Variants in SGO1 observed in about 807,000 individuals in gnomAD.
SGO1 encodes the protein shugoshin 1.
Under a neutral mutation model 50.5 loss-of-function variants are expected in SGO1, and 39 were observed. That is an observed-to-expected ratio of 0.77 (90% CI 0.60 to 1.01). SGO1 has a LOEUF of 1.01. SGO1 is among the 50% of genes least tolerant of loss of function. The pLI, the probability that SGO1 is intolerant of heterozygous loss-of-function variation, is 0.00. For missense variants in SGO1, 638 were observed against 606.0 expected (o/e 1.05, Z -0.55); for synonymous variants, 191 against 205.1 (o/e 0.93, Z 0.59).
intron 3 of SGO1, among the ~76,000 whole-genome samples, chr3:20,182,654 C>CT (rs147377157): frequency 0.047 from 7,106 of 152,212 alleles, 234 homozygotes; most frequent in East Asian, 0.15. Flanking sequence ...TTCTCCATAT[C>CT]TGTTATATTT....
intron 8 of SGO1, among the ~76,000 whole-genome samples, chr3:20,164,066 T>C (rs2125227071): frequency 6.6e-6 from 1 of 152,310 alleles, no homozygotes; most frequent in African/African-American, 2.4e-5. Flanking sequence ...GAAAGACTTG[T>C]GAACCCCTTT....
At chr3:20,185,019 C>T (rs765871025) in intron 1 of SGO1, among the ~76,000 whole-genome samples, 2 of 152,064 alleles carry the variant, frequency 1.3e-5, no homozygotes, top group Non-Finnish European at 2.9e-5. Flanking sequence ...CAAATATTTT[C>T]CTAAACCTTA....
intron 5 of SGO1, 89 bp from the exon 6 acceptor site, chr3:20,175,144 A>T: frequency 7.7e-7 from 1 of 1,295,526 alleles, no homozygotes; most frequent in East Asian, 2.7e-5. Flanking sequence ...TAAAAAAGTG[A>T]ATGACCAAAA....
chr3:20,172,792 TAAAAAA>T lies in SGO1; in HGVS notation c.1282+1451_1282+1456del, dbSNP rs60411282. ...AGTGAGACCTCATCTTCACAAAAAGTAAAAAAAAAAAAAAAAAAAAAAAATTAGCCA... is the reference window on the plus strand; with the variant it reads ...AGTGAGACCTCATCTTCACAAAAAGTAAAAAAAAAAAAAAAAAATTAGCCA... On this transcript the variant is annotated intron_variant, in intron 6 of 7. Transcript: ENST00000412997. Among the ~76,000 whole-genome samples, 44 of 98,908 alleles carry T rather than the reference TAAAAAA, an allele frequency of 4.4e-4. No individual in the cohort carries two copies. The South Asian group carries it at 0.013, about 29-fold the overall frequency. The allele number at this position is 98,908 out of a possible 152,430, so 64.9% of individuals were successfully genotyped here.
chr3:20,164,496 C>T (rs1700195723), downstream of SGO1, among the ~76,000 whole-genome samples: 1 of 152,124 alleles, frequency 6.6e-6, no homozygotes, highest in South Asian at 2.1e-4. Context: ...TGCCCTAGGA[C>T]CAAATGCTTC....
chr3:20,185,633 C>T (rs532844559), intron 1 of SGO1, among the ~76,000 whole-genome samples: 1 of 152,318 alleles, frequency 6.6e-6, no homozygotes, highest in Non-Finnish European at 1.5e-5. Flanking sequence ...AGAGAATGGC[C>T]TGGACAAGGA....
chr3:20,174,137 G>T lies in SGO1; in HGVS notation c.1282+112C>A, dbSNP rs1185727938. On this transcript the variant is annotated intron_variant, in intron 6 of 7. Transcript: ENST00000412997. ...AACTTCCACCAAAGAGAGACAGATG[G>T]TAAGTCTCCAACCTCCACCAGAGAA... is the stretch of plus-strand genomic sequence containing the variant. 7 of 848,228 alleles carry T rather than the reference G, an allele frequency of 8.3e-6. No homozygotes were observed. The East Asian group carries it at 1.7e-4, about 21-fold the overall frequency. The allele number at this position is 848,228 out of a possible 1,614,324, so 52.5% of individuals were successfully genotyped here.
chr3:20,166,718 CA>C (rs764335002), downstream of SGO1, among the ~76,000 whole-genome samples: 28 of 151,476 alleles, frequency 1.8e-4, no homozygotes, highest in Non-Finnish European at 3.4e-4. Flanking sequence ...ATAAAATGAT[CA>C]AAATGGTCAG....
At position 20,169,867 on chromosome 3, in the gene SGO1, C is replaced by A; in HGVS notation, c.*837G>T. The A allele has an allele frequency of 7.1e-6, 7 of 981,928 alleles. No individual in the cohort carries two copies. Among genetic ancestry groups the A allele is most frequent in the Non-Finnish European group, 8.5e-6 (7 of 826,798 alleles). 60.8% of individuals were successfully genotyped at this position (981,928 alleles called of 1,614,324 possible). A position where few individuals can be genotyped will look rare whatever the true frequency, so the allele number is the denominator to read the frequency against. The stretch of plus-strand genomic sequence containing the variant: ...AACAGTGGTATAAGGAATTCATAAA[C>A]AACTTAGGGTGTACCCTACTGTAAA... On this transcript the variant is annotated 3_prime_UTR_variant, in exon 8 of 8. Coordinates refer to ENST00000412997, the MANE Select transcript of SGO1 (RefSeq NM_001199251.3).
In SGO1 at chr3:20,170,086, A is replaced by G. The variant is rs1700556962; in HGVS notation, c.*618T>C. 1.0e-6 allele frequency: 1 copy of G among 985,342 alleles called. No individual in the cohort carries two copies. The highest frequency in any genetic ancestry group is 1.7e-5 in the African/African-American group (1 of 57,376). The allele number at this position is 985,342 out of a possible 1,614,324, so 61.0% of individuals were successfully genotyped here. A position where few individuals can be genotyped will look rare whatever the true frequency, so the allele number is the denominator to read the frequency against. On this transcript the variant is annotated 3_prime_UTR_variant, in exon 8 of 8. Coordinates refer to ENST00000412997, the MANE Select transcript of SGO1 (RefSeq NM_001199251.3). ...AAAAGATCTTATTTGAGTAATCATTATTCATTTCTACAATGTTTGTATAAG... is the reference window on the plus strand; with the variant it reads ...AAAAGATCTTATTTGAGTAATCATTGTTCATTTCTACAATGTTTGTATAAG...
chr3:20,170,165 G>C lies in SGO1; in HGVS notation c.*539C>G. The C allele has an allele frequency of 2.2e-6, 2 of 910,376 alleles. No homozygotes were observed. The highest frequency in any genetic ancestry group is 2.6e-6 in the Non-Finnish European group (2 of 761,558). 56.4% of individuals were successfully genotyped at this position (910,376 alleles called of 1,614,324 possible). On this transcript the variant is annotated 3_prime_UTR_variant, in exon 8 of 8. Transcript: ENST00000412997. ...AGTAATCCCAGCACTTTGGGAGGCCGAGGTGGGCAGATCACCTGAGGTTGG... is the reference window on the plus strand; with the variant it reads ...AGTAATCCCAGCACTTTGGGAGGCCCAGGTGGGCAGATCACCTGAGGTTGG...
chr3:20,166,209 C>A (rs1278902810), downstream of SGO1, among the ~76,000 whole-genome samples: 2 of 152,090 alleles, frequency 1.3e-5, no homozygotes, highest in Non-Finnish European at 2.9e-5. Context: ...AGGCAACCAA[C>A]AGAATGGGGG....
chr3:20,171,664 TAGTCATACCTTGCTATTTGG>T (rs1700759021), intron 6 of SGO1, among the ~76,000 whole-genome samples: 1 of 152,236 alleles, frequency 6.6e-6, no homozygotes, highest in South Asian at 2.1e-4. Context: ...AATTTCATTT[TAGTCATACCTTGCTATTTGG>T]AATCAAGTCC....
In SGO1 at chr3:20,169,864, A is replaced by G. The variant is rs1272433069; in HGVS notation, c.*840T>C. The G allele has an allele frequency of 4.1e-6, 4 of 981,732 alleles. No homozygotes were observed. In the African/African-American group the frequency reaches 5.2e-5, roughly 13 times the overall value. The allele number at this position is 981,732 out of a possible 1,614,324, so 60.8% of individuals were successfully genotyped here. Reference sequence around the variant, plus strand: ...TATAACAGTGGTATAAGGAATTCATAAACAACTTAGGGTGTACCCTACTGT... The same window carrying G: ...TATAACAGTGGTATAAGGAATTCATGAACAACTTAGGGTGTACCCTACTGT... On this transcript the variant is annotated 3_prime_UTR_variant, in exon 8 of 8. Transcript: ENST00000412997.
chr3:20,186,387 C>T (rs1212493151), upstream of SGO1: 4 of 152,480 alleles, frequency 2.6e-5, no homozygotes, highest in African/African-American at 4.8e-5. Flanking sequence ...GCGGTCGGGT[C>T]TCGGCGACCC....
chr3:20,183,297 C>T (rs1294746192), intron 3 of SGO1, among the ~76,000 whole-genome samples: 1 of 152,156 alleles, frequency 6.6e-6, no homozygotes, highest in Non-Finnish European at 1.5e-5. Flanking sequence ...CTTAGTTGCA[C>T]TATCTTTGAC....
intron 1 of SGO1, among the ~76,000 whole-genome samples, chr3:20,184,888 C>A (rs1702449136): frequency 6.6e-6 from 1 of 151,718 alleles, no homozygotes; most frequent in South Asian, 2.1e-4. Flanking sequence ...TCACAAACAT[C>A]TTTTACGCTA....
intron 6 of SGO1, among the ~76,000 whole-genome samples, chr3:20,174,005 T>G (rs1045186114): frequency 1.3e-5 from 2 of 152,128 alleles, no homozygotes; most frequent in Non-Finnish European, 2.9e-5. Context: ...GAGTCCTAAT[T>G]TACTGAAAAT....
At chr3:20,166,977 G>A (rs1210881035), downstream of SGO1, among the ~76,000 whole-genome samples, 5 of 151,306 alleles carry the variant, frequency 3.3e-5, no homozygotes, top group East Asian at 5.8e-4. Context: ...CTGCACTGCA[G>A]CCTGGGTGAC....
Sources: gnomAD v4.1 joint callset for allele counts (sites outside exome capture counted in the v4.1 genomes callset) on GRCh38, gnomAD v4.1.1 for gene constraint, MANE v1.5 for transcripts, NCBI Gene and HGNC (gene_info 2026-07-23, HGNC 2026-07-21) for gene names.